The following KLF12 variants were observed in gnomAD, a reference collection of about 807,000 sequenced individuals.
KLF12 encodes Krueppel-like factor 12.
Under a neutral mutation model 37.8 loss-of-function variants are expected in KLF12, and 9 were observed. The ratio of observed to expected loss-of-function variants is 0.24; its 90% CI spans 0.14 to 0.42. KLF12 has a LOEUF of 0.42. Among genes scored for constraint, KLF12 ranks in the 10% least tolerant of loss-of-function variants. KLF12 has a pLI of 1.00. For synonymous variants in KLF12, 208 were observed against 202.1 expected (o/e 1.03, Z -0.25); for missense variants, 411 against 516.0 (o/e 0.80, Z 1.97).
At chr13:74,211,384 C>T in the KLF12 span, among the ~76,000 whole-genome samples, 1 of 152,058 alleles carries the variant, frequency 6.6e-6, no homozygotes, top group Non-Finnish European at 1.5e-5. Flanking sequence ...GCATTTTAGA[C>T]CTCCCTGAAT....
intron 3 of KLF12, among the ~76,000 whole-genome samples, chr13:73,886,924 G>A (rs150284978): frequency 9.0e-4 from 136 of 151,468 alleles, no homozygotes; most frequent in African/African-American, 3.2e-3. Context: ...CCCGGGAGGC[G>A]GAGGTTGCTG....
intron 2 of KLF12, among the ~76,000 whole-genome samples, chr13:73,993,262 A>T (rs910112068): frequency 2.6e-5 from 4 of 152,098 alleles, no homozygotes; most frequent in Non-Finnish European, 5.9e-5. Context: ...TTAAATACTC[A>T]CTGCTCCTTT....
chr13:73,994,545 C>G (rs1343645187), intron 2 of KLF12, among the ~76,000 whole-genome samples: 1 of 151,024 alleles, frequency 6.6e-6, no homozygotes, highest in Non-Finnish European at 1.5e-5. Flanking sequence ...GATCCTACTT[C>G]TAGGAGAAAA....
chr13:74,295,267 A>T, the KLF12 span, among the ~76,000 whole-genome samples: 1 of 151,774 alleles, frequency 6.6e-6, no homozygotes, highest in African/African-American at 2.4e-5. Context: ...TGCTTTTCTA[A>T]CCTCTTTCTT....
chr13:73,824,418 T>C (rs1566396011), intron 4 of KLF12, among the ~76,000 whole-genome samples: 1 of 150,926 alleles, frequency 6.6e-6, no homozygotes, highest in Admixed American at 6.6e-5. Flanking sequence ...CAGGGTCTCC[T>C]CTGCTAAAAT....
intron 3 of KLF12, among the ~76,000 whole-genome samples, chr13:73,858,531 C>G (rs57363392): frequency 0.018 from 2,716 of 152,198 alleles, 62 homozygotes; most frequent in African/African-American, 0.061. Context: ...AAACTACCAT[C>G]AACAATTACC....
the KLF12 span, among the ~76,000 whole-genome samples, chr13:74,297,011 T>C: frequency 1.3e-5 from 2 of 152,190 alleles, no homozygotes; most frequent in Non-Finnish European, 1.5e-5. Context: ...ACATAGCAAC[T>C]ATAAACTGCC....
At chr13:73,910,682 T>C (rs1395476617) in intron 3 of KLF12, among the ~76,000 whole-genome samples, 1 of 152,184 alleles carries the variant, frequency 6.6e-6, no homozygotes, top group Non-Finnish European at 1.5e-5. Flanking sequence ...TTAATAATAA[T>C]GCACTGAATA....
chr13:74,235,649 C>T, the KLF12 span, among the ~76,000 whole-genome samples: 1 of 152,056 alleles, frequency 6.6e-6, no homozygotes, highest in Non-Finnish European at 1.5e-5. Context: ...TTTCTATTTA[C>T]ACTTGCTTTT....
At chr13:74,084,142 A>G (rs1251460102) in intron 1 of KLF12, among the ~76,000 whole-genome samples, 1 of 152,238 alleles carries the variant, frequency 6.6e-6, no homozygotes, top group African/African-American at 2.4e-5. Context: ...AGACTTGGAT[A>G]TTACGTCTCA....
the KLF12 span, among the ~76,000 whole-genome samples, chr13:74,169,484 A>T: frequency 6.6e-6 from 1 of 152,336 alleles, no homozygotes; most frequent in Non-Finnish European, 1.5e-5. Flanking sequence ...AGAGAATAAT[A>T]ACTAATACAG....
chr13:73,846,396 T>C lies in KLF12; in HGVS notation c.124-23A>G, dbSNP rs754336523. 3.8e-6 allele frequency: 6 copies of C among 1,577,240 alleles called. No individual in the cohort carries two copies. The Admixed American group carries it at 5.4e-5, about 14-fold the overall frequency. ...AGACTGTGGGGAGAAAAATGGAACATATATTTATCTTTGTTTATCACACAT... is the reference window on the plus strand; with the variant it reads ...AGACTGTGGGGAGAAAAATGGAACACATATTTATCTTTGTTTATCACACAT... On this transcript the variant is annotated intron_variant, in intron 3 of 7. Coordinates refer to ENST00000377669, the MANE Select transcript of KLF12 (RefSeq NM_007249.5).
intron 3 of KLF12, among the ~76,000 whole-genome samples, chr13:73,928,787 G>A (rs2139270810): frequency 6.6e-6 from 1 of 152,306 alleles, no homozygotes; most frequent in South Asian, 2.1e-4. Context: ...ACACTGAGAA[G>A]CTGGGTGACC....
At chr13:73,911,268 ATAGT>A (rs1478559268) in intron 3 of KLF12, among the ~76,000 whole-genome samples, 4 of 152,290 alleles carry the variant, frequency 2.6e-5, no homozygotes, top group East Asian at 1.9e-4. Context: ...ATAAAAATAA[ATAGT>A]TAATAAGAGG....
intron 7 of KLF12, among the ~76,000 whole-genome samples, chr13:73,700,205 T>C (rs772421476): frequency 1.3e-5 from 2 of 151,990 alleles, no homozygotes; most frequent in Non-Finnish European, 2.9e-5. Context: ...AGGTGGAGGT[T>C]GCAGTGAGCT....
intron 1 of KLF12, among the ~76,000 whole-genome samples, chr13:74,102,863 G>A (rs1213962569): frequency 6.6e-6 from 1 of 152,194 alleles, no homozygotes; most frequent in South Asian, 2.1e-4. Flanking sequence ...TATAATTATT[G>A]CATGAGTTCA....
chr13:73,918,192 G>A (rs1287869432), intron 3 of KLF12, among the ~76,000 whole-genome samples: 1 of 152,076 alleles, frequency 6.6e-6, no homozygotes, highest in Non-Finnish European at 1.5e-5. Flanking sequence ...CAAGGAACCA[G>A]CTCAAAAGGG....
At chr13:74,273,711 T>C in the KLF12 span, among the ~76,000 whole-genome samples, 1 of 152,088 alleles carries the variant, frequency 6.6e-6, no homozygotes, top group African/African-American at 2.4e-5. Flanking sequence ...TTTTTGGCTT[T>C]TTAGAGAGTT....
At chr13:74,213,561 A>C in the KLF12 span, among the ~76,000 whole-genome samples, 1,785 of 151,690 alleles carry the variant, frequency 0.012, 42 homozygotes, top group African/African-American at 0.041. Context: ...ACATGGATGA[A>C]AACTTCCTCT....
Sources: gnomAD v4.1 joint callset for allele counts (sites outside exome capture counted in the v4.1 genomes callset) on GRCh38, gnomAD v4.1.1 for gene constraint, MANE v1.5 for transcripts, NCBI Gene and HGNC (gene_info 2026-07-23, HGNC 2026-07-21) for gene names.